Variants in DMD observed in about 807,000 individuals in gnomAD.
DMD encodes dystrophin.
Under a neutral mutation model 330.1 loss-of-function variants are expected in DMD, and 63 were observed. The observed-to-expected ratio is 0.19, with a 90% CI of 0.16 to 0.24. DMD has a LOEUF of 0.24. DMD is among the 10% of genes least tolerant of loss of function. The probability of loss-of-function intolerance (pLI) is 1.00; values close to 1 mark genes in which losing one functional copy is unlikely to be tolerated. For synonymous variants in DMD, 1,223 were observed against 959.8 expected, an observed-to-expected ratio of 1.27 and a Z score of -5.07; for missense variants, 3,344 against 2,684.1, an observed-to-expected ratio of 1.25 and a Z score of -5.43.
rs550972438 is a variant in DMD at position 32,931,346 on chromosome X, C to G, written c.94-81526G>C. 4.5e-5 allele frequency among the ~76,000 whole-genome samples: 5 copies of G among 111,061 alleles called. No homozygotes were observed. The East Asian group carries it at 1.4e-3, about 31-fold the overall frequency. ...TTCTGTAATTGCTAGGGGGAGAGTG[C>G]GTGGTTACTGTCGATAGTTGCGTTA... On this transcript the variant is annotated intron_variant, in intron 2 of 78. Transcript: ENST00000357033.
chrX:31,516,951 C>G (rs942295169), intron 55 of DMD, among the ~76,000 whole-genome samples: 1 of 111,294 alleles, frequency 9.0e-6, no homozygotes, highest in Non-Finnish European at 1.9e-5. Context: ...TCTGGTAATA[C>G]GTGATGCTTT....
intron 47 of DMD, among the ~76,000 whole-genome samples, chrX:31,884,275 A>G (rs887444587): frequency 1.8e-5 from 2 of 111,894 alleles, no homozygotes; most frequent in Non-Finnish European, 3.8e-5. Flanking sequence ...ACGGTTAAAG[A>G]AATTGCGGTA....
chrX:31,394,264 A>G (rs1474127093), intron 60 of DMD, among the ~76,000 whole-genome samples: 2 of 112,433 alleles, frequency 1.8e-5, no homozygotes, highest in Non-Finnish European at 1.9e-5. Context: ...TCTGATGGAA[A>G]GGTTTATGCG....
intron 7 of DMD, among the ~76,000 whole-genome samples, chrX:32,770,132 G>A (rs1021983112): frequency 8.9e-6 from 1 of 111,846 alleles, no homozygotes; most frequent in Non-Finnish European, 1.9e-5. Flanking sequence ...TAAAAGGCAG[G>A]CATAGAAAGC....
At chrX:31,617,867 T>C (rs1043154777) in intron 55 of DMD, among the ~76,000 whole-genome samples, 5 of 111,966 alleles carry the variant, frequency 4.5e-5, no homozygotes, top group African/African-American at 1.6e-4. Context: ...ATGTGGTACA[T>C]ATACACCAGG....
intron 56 of DMD, among the ~76,000 whole-genome samples, chrX:31,506,443 A>G (rs1008053275): frequency 8.9e-6 from 1 of 112,304 alleles, no homozygotes; most frequent in Non-Finnish European, 1.9e-5. Flanking sequence ...TTTAATAAAG[A>G]GAAATGAATT....
chrX:32,286,832 G>T (rs1440826199), intron 43 of DMD, among the ~76,000 whole-genome samples: 2 of 111,698 alleles, frequency 1.8e-5, no homozygotes, highest in African/African-American at 6.5e-5. Flanking sequence ...GAATAATTAA[G>T]AAGCCTACCT....
intron 73 of DMD, among the ~76,000 whole-genome samples, chrX:31,171,374 G>T (rs771903660): frequency 9.0e-6 from 1 of 111,467 alleles, no homozygotes; most frequent in African/African-American, 3.3e-5. Context: ...CCTTATGAAG[G>T]TTCTTTTCTC....
chrX:31,227,690 C>A (rs1276170440), intron 63 of DMD, among the ~76,000 whole-genome samples: 2 of 110,991 alleles, frequency 1.8e-5, no homozygotes, highest in Non-Finnish European at 3.8e-5. Flanking sequence ...TTACCTTGGG[C>A]AGTATGACCA....
chrX:32,670,161 C>A (rs2061545124), intron 9 of DMD, among the ~76,000 whole-genome samples: 1 of 111,499 alleles, frequency 9.0e-6, no homozygotes, highest in East Asian at 2.8e-4. Context: ...AGTTATTATA[C>A]TTCCTATCTC....
At chrX:32,354,063 T>C (rs1378927203) in intron 37 of DMD, among the ~76,000 whole-genome samples, 11 of 111,506 alleles carry the variant, frequency 9.9e-5, no homozygotes, top group Middle Eastern at 4.2e-3. Flanking sequence ...TTTATTAGTT[T>C]TAAAATGTAA....
intron 7 of DMD, among the ~76,000 whole-genome samples, chrX:32,806,121 T>G (rs1276827450): frequency 8.9e-6 from 1 of 111,910 alleles, no homozygotes; most frequent in Non-Finnish European, 1.9e-5. Context: ...ATGCCCCAAT[T>G]AAAAGACACA....
rs867883300 is a variant in DMD at position 32,870,973 on chromosome X, A to G, written c.94-21153T>C. Among the ~76,000 whole-genome samples the G allele has an allele frequency of 5.0e-3, 376 of 75,486 alleles. 14 individuals carry two copies. The highest frequency in any genetic ancestry group is 5.9e-3 in the South Asian group (8 of 1,358). 65.6% of individuals were successfully genotyped at this position (75,486 alleles called of 115,157 possible). A position where few individuals can be genotyped will look rare whatever the true frequency, so the allele number is the denominator to read the frequency against. On this transcript the variant is annotated intron_variant, in intron 2 of 78. Coordinates refer to ENST00000357033, the MANE Select transcript of DMD (RefSeq NM_004006.3). ...TTCTGTACAGCAAAAAAAAAAAAAAAAAAAAAAAAAAAAAACCACAAAACC... is the reference window on the plus strand; with the variant it reads ...TTCTGTACAGCAAAAAAAAAAAAAAGAAAAAAAAAAAAAAACCACAAAACC...
intron 4 of DMD, among the ~76,000 whole-genome samples, chrX:32,834,232 A>G (rs2079407169): frequency 9.0e-6 from 1 of 111,489 alleles, no homozygotes; most frequent in East Asian, 2.8e-4. Flanking sequence ...CAAATATTTT[A>G]CAGGCCTATT....
intron 44 of DMD, among the ~76,000 whole-genome samples, chrX:32,042,381 C>T (rs1295434786): frequency 2.7e-5 from 3 of 109,270 alleles, no homozygotes; most frequent in Non-Finnish European, 5.7e-5. Context: ...AGCAAGGCAC[C>T]TCCTTTACAA....
intron 47 of DMD, among the ~76,000 whole-genome samples, chrX:31,879,689 AT>A (rs973933097): frequency 7.7e-4 from 83 of 108,155 alleles, no homozygotes; most frequent in African/African-American, 2.7e-3. Context: ...TTTAACACAT[AT>A]TTTTTTTGTG....
rs1417822682 is a variant in DMD at position 32,950,817 on chromosome X, C to T, written c.93+69322G>A. Among the ~76,000 whole-genome samples the T allele has an allele frequency of 2.7e-5, 3 of 111,795 alleles. No homozygotes were observed. The Admixed American group carries it at 2.9e-4, about 11-fold the overall frequency. On this transcript the variant is annotated intron_variant, in intron 2 of 78. Transcript: ENST00000357033. ...AATCTCAGAGATACATTCATTTGTG[C>T]ACTTTCACTTATTCATTCATTCAGT... is the stretch of plus-strand genomic sequence containing the variant.
intron 55 of DMD, among the ~76,000 whole-genome samples, chrX:31,555,857 CAT>C (rs2074778452): frequency 8.9e-6 from 1 of 111,790 alleles, no homozygotes; most frequent in African/African-American, 3.3e-5. Context: ...TAACTTAGCA[CAT>C]ATCTTTCCCG....
intron 41 of DMD, among the ~76,000 whole-genome samples, chrX:32,324,823 T>C (rs2097642221): frequency 8.9e-6 from 1 of 111,989 alleles, no homozygotes; most frequent in Non-Finnish European, 1.9e-5. Context: ...TTGTGCACAC[T>C]GGAAAAAGCA....
Sources: gnomAD v4.1 joint callset for allele counts (sites outside exome capture counted in the v4.1 genomes callset) on GRCh38, gnomAD v4.1.1 for gene constraint, MANE v1.5 for transcripts, NCBI Gene and HGNC (gene_info 2026-07-23, HGNC 2026-07-21) for gene names.